The following COL4A1 variants were observed in gnomAD, a reference collection of about 807,000 sequenced individuals.
COL4A1 encodes collagen alpha-1(IV) chain.
In COL4A1, 40 loss-of-function variants were observed where a neutral mutation model predicts 216.6. The observed-to-expected ratio is 0.18, with a 90% CI of 0.14 to 0.24. The LOEUF (loss-of-function observed/expected upper bound fraction) is 0.24. Ranked by LOEUF, COL4A1 falls within the 10% of genes least tolerant of loss-of-function variation. The pLI, the probability that COL4A1 is intolerant of heterozygous loss-of-function variation, is 1.00. For synonymous variants in COL4A1, 839 were observed against 810.7 expected (o/e 1.03, Z -0.59); for missense variants, 1,628 against 2,196.8 (o/e 0.74, Z 5.18).
chr13:110,234,453 A>G (rs191622016), intron 2 of COL4A1, among the ~76,000 whole-genome samples: 27 of 152,232 alleles, frequency 1.8e-4, no homozygotes, highest in African/African-American at 6.5e-4. Context: ...GGGGGGGTAC[A>G]CGCCTATAAT....
In COL4A1 at chr13:110,203,833, A is replaced by G. The variant is rs648735; in HGVS notation, c.958-226T>C. ...ATGAAAATAAAGATCTCTGCAAAAT[A>G]TAAGTTGGGGGCTAATTATTCTCCT... On this transcript the variant is annotated intron_variant, in intron 17 of 51. Coordinates refer to ENST00000375820, the MANE Select transcript of COL4A1 (RefSeq NM_001845.6). Among the ~76,000 whole-genome samples the G allele has an allele frequency of 0.57, 87,223 of 151,936 alleles. 25,999 individuals are homozygous for G. Among genetic ancestry groups the G allele is most frequent in the East Asian group, 0.76 (3,949 of 5,182 alleles).
intron 17 of COL4A1, 131 bp from the exon 18 acceptor site, chr13:110,203,738 A>C (rs648263): frequency 1.1e-6 from 1 of 947,366 alleles, no homozygotes; most frequent in South Asian, 1.4e-5. Flanking sequence ...TCTCTCTTTA[A>C]TATCTCTCAT....
Position 110,214,024 on chromosome 13 carries a change from G to C in COL4A1, c.145-9C>G, listed in dbSNP as rs757343809. 35 of 1,613,024 alleles carry C rather than the reference G, an allele frequency of 2.2e-5. No homozygotes were observed. In the Admixed American group the frequency reaches 5.0e-4, roughly 23 times the overall value. ...GGGAGGCCTCTTTCACCCTACAGAA[G>C]AGGAACATCAGTCAGGCAAAAGGCA... On this transcript the variant is annotated splice_polypyrimidine_tract_variant and intron_variant, in intron 2 of 51. Transcript: ENST00000375820.
rs142177702 is a variant in COL4A1, at chr13:110,192,841, G to A, written c.1454C>T (p.Pro485Leu). 3.9e-5 allele frequency: 63 copies of A among 1,613,586 alleles called. No homozygotes were observed. Among genetic ancestry groups the A allele is most frequent in the African/African-American group, 3.9e-4 (29 of 74,986 alleles). ...YRGPPGPQGP[P>L]GEIGFPGQPG... ...CATGTGGGTCTTACCTATTTCTCCCGGGGGTCCCTGTGGCCCGGGAGGCCC... is the reference window on the plus strand; with the variant it reads ...CATGTGGGTCTTACCTATTTCTCCCAGGGGTCCCTGTGGCCCGGGAGGCCC... The change falls in exon 23 of 52, where the codon CCG becomes CTG. Residue 485 changes from proline to leucine, a missense_variant. Pro to Leu is a moderately conservative substitution (Grantham distance 98). Transcript: ENST00000375820.
At chr13:110,282,187 A>G (rs1883658618) in intron 1 of COL4A1, among the ~76,000 whole-genome samples, 1 of 152,234 alleles carries the variant, frequency 6.6e-6, no homozygotes, top group Non-Finnish European at 1.5e-5. Flanking sequence ...CAATGTCAAT[A>G]TTGTAAACTT....
At chr13:110,212,506 C>A in intron 5 of COL4A1, 27 bp from the exon 6 acceptor site, 1 of 1,614,198 alleles carries the variant, frequency 6.2e-7, no homozygotes, top group Non-Finnish European at 8.5e-7. Flanking sequence ...GAAAATGTAA[C>A]CCAGGCAGAA....
intron 1 of COL4A1, among the ~76,000 whole-genome samples, chr13:110,295,245 G>A (rs1884224799): frequency 6.8e-6 from 1 of 147,594 alleles, no homozygotes; most frequent in Non-Finnish European, 1.5e-5. Flanking sequence ...ACACTACATG[G>A]TTTTCTTTCT....
intron 15 of COL4A1, 143 bp from the exon 16 acceptor site, chr13:110,205,681 G>A: frequency 2.3e-6 from 2 of 873,048 alleles, no homozygotes; most frequent in South Asian, 1.4e-5. Flanking sequence ...TGGCCAACAT[G>A]GCGAAATCCC....
At chr13:110,254,505 C>T (rs1882425035) in intron 1 of COL4A1, among the ~76,000 whole-genome samples, 1 of 152,036 alleles carries the variant, frequency 6.6e-6, no homozygotes, top group Non-Finnish European at 1.5e-5. Flanking sequence ...TTAAGGAGCC[C>T]TACAGTTTGT....
intron 1 of COL4A1, among the ~76,000 whole-genome samples, chr13:110,247,790 C>CGTGTGTGT (rs56086913): frequency 2.4e-3 from 140 of 57,768 alleles, no homozygotes; most frequent in Middle Eastern, 0.011. Flanking sequence ...CTATGCTACT[C>CGTGTGTGT]GTGTGTGTGT....
At chr13:110,210,334 A>T (rs1879732511) in intron 8 of COL4A1, 122 bp from the exon 9 acceptor site, 1 of 895,044 alleles carries the variant, frequency 1.1e-6, no homozygotes, top group Middle Eastern at 3.1e-4. Flanking sequence ...TGGGATTTAG[A>T]CCCCGTCTAC....
At chr13:110,200,486 A>G (rs1879135892) in intron 20 of COL4A1, among the ~76,000 whole-genome samples, 1 of 152,148 alleles carries the variant, frequency 6.6e-6, no homozygotes, top group Non-Finnish European at 1.5e-5. Flanking sequence ...CTGAGGAGGA[A>G]GGCGCCTGAC....
At chr13:110,227,023 A>AATT (rs1159255473) in intron 2 of COL4A1, among the ~76,000 whole-genome samples, 2 of 152,220 alleles carry the variant, frequency 1.3e-5, no homozygotes, top group Non-Finnish European at 2.9e-5. Flanking sequence ...AAAAGATAAT[A>AATT]TGGAGATATA....
At chr13:110,169,373 ATGG>A (rs1877496958) in intron 43 of COL4A1, among the ~76,000 whole-genome samples, 1 of 152,064 alleles carries the variant, frequency 6.6e-6, no homozygotes, top group Non-Finnish European at 1.5e-5. Flanking sequence ...TTTCCCTTTT[ATGG>A]TTCTTGGAAA....
At chr13:110,281,522 G>A (rs1883632812) in intron 1 of COL4A1, among the ~76,000 whole-genome samples, 1 of 151,792 alleles carries the variant, frequency 6.6e-6, no homozygotes, top group Non-Finnish European at 1.5e-5. Context: ...AATATAGAGA[G>A]AAAATGTTTA....
At chr13:110,281,575 C>T (rs981471273) in intron 1 of COL4A1, among the ~76,000 whole-genome samples, 3 of 152,028 alleles carry the variant, frequency 2.0e-5, no homozygotes, top group South Asian at 2.1e-4. Flanking sequence ...TGGGGGCTCA[C>T]ACAGAAACTC....
chr13:110,167,178 G>A lies in COL4A1; in HGVS notation c.3929C>T (p.Pro1310Leu), dbSNP rs1418903936. Residue 1310 changes from proline (P) to leucine (L), a missense_variant, in exon 44 of 52, where the codon CCA (proline) becomes CTA (leucine). By Grantham distance (98) the Pro-to-Leu change is moderately conservative. This residue lies in a region of COL4A1 where 345 missense variants were observed against 476.9 expected (regional missense o/e 0.72). Coordinates refer to ENST00000375820, the MANE Select transcript of COL4A1 (RefSeq NM_001845.6). Reference protein sequence around the residue: ...ITGSKGDMGPPGVPGFQGPKG... With the variant: ...ITGSKGDMGPLGVPGFQGPKG... ...CTTACCTTGAAATCCTGGAACTCCT[G>A]GAGGCCCCATATCACCCTTAGAGCC... 6.2e-7 allele frequency: 1 copy of A among 1,613,986 alleles called. No individual in the cohort carries two copies. The highest frequency in any genetic ancestry group is 1.1e-5 in the South Asian group (1 of 91,078).
chr13:110,172,896 A>G, intron 40 of COL4A1, 126 bp from the exon 41 acceptor site: 2 of 784,552 alleles, frequency 2.5e-6, no homozygotes, highest in East Asian at 2.5e-5. Flanking sequence ...ATATTAGTTA[A>G]TTGCACCCTT....
chr13:110,219,722 A>G (rs925311758), intron 2 of COL4A1, among the ~76,000 whole-genome samples: 11 of 131,178 alleles, frequency 8.4e-5, no homozygotes, highest in East Asian at 7.5e-4. Flanking sequence ...GTGTATATAT[A>G]TGTGTGTATA....
Sources: allele counts gnomAD v4.1 joint callset (sites outside exome capture counted in the v4.1 genomes callset), GRCh38; gene constraint gnomAD v4.1.1; regional missense constraint gnomAD v4.1.1; transcripts MANE v1.5; gene names NCBI Gene and HGNC (gene_info 2026-07-23, HGNC 2026-07-21).